The following DCAF13 variants were observed in gnomAD, a reference collection of about 807,000 sequenced individuals.
The protein encoded by DCAF13 is DDB1- and CUL4-associated factor 13.
A neutral mutation model predicts 59.0 loss-of-function variants in DCAF13; 38 were observed. That is an observed-to-expected ratio of 0.64 (90% confidence interval 0.50 to 0.84). DCAF13 has a LOEUF of 0.84. Among genes scored for constraint, DCAF13 ranks in the 40% least tolerant of loss-of-function variants. DCAF13 has a pLI of 0.00. For synonymous variants in DCAF13, 173 were observed against 175.0 expected, an observed-to-expected ratio of 0.99 and a Z score of 0.09; for missense variants, 469 against 558.4, an observed-to-expected ratio of 0.84 and a Z score of 1.61.
In DCAF13 at chr8:103,432,736, T is replaced by C; in HGVS notation, c.780T>C (p.Asp260=). The change falls in exon 7 of 11, where the codon GAT becomes GAC. Residue 260 remains aspartate (D), a synonymous_variant. Coordinates refer to ENST00000612750, the MANE Select transcript of DCAF13 (RefSeq NM_015420.7). Reference sequence around the variant, plus strand: ...TCATTTTTACAGCAGCAAATGAAGATTATAAGTAAGTTTCCCTCTTTTAAA... The same window carrying C: ...TCATTTTTACAGCAGCAAATGAAGACTATAAGTAAGTTTCCCTCTTTTAAA... ...EAFIFTAANE[D]YNLYTFDMRA... is the part of the protein sequence containing the mutation. 3 of 1,589,376 alleles carry C rather than the reference T, an allele frequency of 1.9e-6. No individual in the cohort carries two copies. The South Asian group carries it at 3.3e-5, about 18-fold the overall frequency.
At chr8:103,418,866 A>ATATT (rs1563724113) in intron 1 of DCAF13, among the ~76,000 whole-genome samples, 4 of 38,420 alleles carry the variant, frequency 1.0e-4, no homozygotes, top group Non-Finnish European at 1.9e-4. Flanking sequence ...ATATATATAT[A>ATATT]TTTTTTTTTT....
chr8:103,429,756 A>C (rs1586130864), intron 5 of DCAF13: 1 of 152,242 alleles, frequency 6.6e-6, no homozygotes, highest in Non-Finnish European at 1.5e-5. Flanking sequence ...TCATACAGAT[A>C]TTTTAAATGA....
chr8:103,424,633 C>T (rs56825753), intron 3 of DCAF13, among the ~76,000 whole-genome samples: 6 of 152,156 alleles, frequency 3.9e-5, no homozygotes, highest in African/African-American at 7.2e-5. Context: ...ACTCAGTAGA[C>T]GGCAGAACAG....
rs1032961716 is a variant in DCAF13, at chr8:103,418,076, C to T, written c.71-2188C>T. 4.0e-5 allele frequency among the ~76,000 whole-genome samples: 6 copies of T among 150,798 alleles called. No individual in the cohort carries two copies. The East Asian group carries it at 5.9e-4, about 15-fold the overall frequency. The stretch of plus-strand genomic sequence containing the variant: ...CCGGGAGGTGGAGCTTGCAGTGAGC[C>T]GAGATTGCGCCACTGCACTCCAGCC... On this transcript the variant is annotated intron_variant, in intron 1 of 10. Transcript: ENST00000612750.
chr8:103,437,480 A>G (rs575411801), intron 8 of DCAF13, among the ~76,000 whole-genome samples: 83 of 152,288 alleles, frequency 5.5e-4, no homozygotes, highest in African/African-American at 1.9e-3. Flanking sequence ...TCTAGCTAGA[A>G]AACTCACATT....
intron 5 of DCAF13, 187 bp downstream of exon 5, chr8:103,427,439 A>G: frequency 1.7e-6 from 1 of 604,772 alleles, no homozygotes; most frequent in Non-Finnish European, 2.9e-6. Flanking sequence ...CCAGCAGTTT[A>G]GTCCCAGATA....
chr8:103,441,852 G>A (rs1260934988), intron 10 of DCAF13: 2 of 412,618 alleles, frequency 4.8e-6, no homozygotes, highest in Non-Finnish European at 8.5e-6. Flanking sequence ...TGCAAGCTCC[G>A]CCTCCCGGGT....
chr8:103,443,062 C>CT lies in DCAF13; in HGVS notation c.*181dup. On this transcript the variant is annotated 3_prime_UTR_variant, in exon 11 of 11. Transcript: ENST00000612750. ...CTTAAAGGTGGCCTAGTTGGTAAGACTGTTTTATCCTTAATCTGCATTCTT... is the reference window on the plus strand; with the variant it reads ...CTTAAAGGTGGCCTAGTTGGTAAGACTTGTTTTATCCTTAATCTGCATTCTT... 1 of 459,598 alleles carries CT rather than the reference C, an allele frequency of 2.2e-6. No homozygotes were observed. The highest frequency in any genetic ancestry group is 3.9e-6 in the Non-Finnish European group (1 of 256,832). The allele number at this position is 459,598 out of a possible 1,614,324, so 28.5% of individuals were successfully genotyped here.
At chr8:103,418,837 T>A (rs1371898395) in intron 1 of DCAF13, among the ~76,000 whole-genome samples, 6 of 12,996 alleles carry the variant, frequency 4.6e-4, no homozygotes, top group African/African-American at 2.6e-3. Context: ...TATATATATA[T>A]ATATATATAT....
Position 103,442,898 on chromosome 8 carries a change from A to G in DCAF13, c.*16A>G, listed in dbSNP as rs757846848. 1.3e-6 allele frequency: 2 copies of G among 1,505,726 alleles called. No individual in the cohort carries two copies. Among genetic ancestry groups the G allele is most frequent in the South Asian group, 2.4e-5 (2 of 82,702 alleles). 93.3% of individuals were successfully genotyped at this position (1,505,726 alleles called of 1,614,324 possible). On this transcript the variant is annotated 3_prime_UTR_variant, in exon 11 of 11. Coordinates refer to ENST00000612750, the MANE Select transcript of DCAF13 (RefSeq NM_015420.7). The stretch of plus-strand genomic sequence containing the variant: ...TGTAAAATAATTGGTATTCCTAACA[A>G]TCCTGATGTATAATTATTTGTTACT...
At chr8:103,435,478 A>G (rs1214505437) in intron 7 of DCAF13, 148 bp from the exon 8 acceptor site, 4 of 520,116 alleles carry the variant, frequency 7.7e-6, no homozygotes, top group Non-Finnish European at 1.3e-5. Flanking sequence ...ATTTTTCCTT[A>G]TCCCTCACCT....
At chr8:103,415,909 A>G (rs1421004253) in intron 1 of DCAF13, among the ~76,000 whole-genome samples, 1 of 152,200 alleles carries the variant, frequency 6.6e-6, no homozygotes, top group Admixed American at 6.5e-5. Context: ...CCGCTTTACT[A>G]CTTCACATTA....
At position 103,426,118 on chromosome 8, in the gene DCAF13, A is replaced by G. The variant is rs367722339; in HGVS notation, c.441A>G (p.Glu147=). The change falls in exon 4 of 11, where the codon GAA becomes GAG. Residue 147 remains glutamate (E), a synonymous_variant. Coordinates refer to ENST00000612750, the MANE Select transcript of DCAF13 (RefSeq NM_015420.7). ...KMDGPGYGDE[E]EPLHTILGKT... is the part of the protein sequence containing the mutation. ...ATGGGCCAGGCTATGGAGACGAGGA[A>G]GAGCCATTACATACAATATTAGGAA... 68 of 1,611,950 alleles carry G rather than the reference A, an allele frequency of 4.2e-5. No homozygotes were observed. In the African/African-American group the frequency reaches 6.8e-4, roughly 16 times the overall value.
In DCAF13 at chr8:103,418,052, C is replaced by T. The variant is rs1586124348; in HGVS notation, c.71-2212C>T. On this transcript the variant is annotated intron_variant, in intron 1 of 10. Coordinates refer to ENST00000612750, the MANE Select transcript of DCAF13 (RefSeq NM_015420.7). ...CTGAGGCAGGAGAATGGTGTGAACC[C>T]GGGAGGTGGAGCTTGCAGTGAGCCG... is the stretch of plus-strand genomic sequence containing the variant. Among the ~76,000 whole-genome samples, 5 of 151,184 alleles carry T rather than the reference C, an allele frequency of 3.3e-5. No homozygotes were observed. In the South Asian group the frequency reaches 1.1e-3, roughly 32 times the overall value.
At chr8:103,424,360 A>G (rs529699648) in intron 3 of DCAF13, among the ~76,000 whole-genome samples, 4 of 152,208 alleles carry the variant, frequency 2.6e-5, no homozygotes, top group South Asian at 4.1e-4. Context: ...GTGCTTTGTC[A>G]GAGATAAGAC....
chr8:103,440,326 A>AGAT, intron 9 of DCAF13, 55 bp downstream of exon 9: 1 of 1,420,610 alleles, frequency 7.0e-7, no homozygotes, highest in South Asian at 1.5e-5. Context: ...ATTTTATTAG[A>AGAT]TATTACATTA....
intron 9 of DCAF13, 61 bp downstream of exon 9, chr8:103,440,332 C>T: frequency 9.1e-7 from 1 of 1,098,680 alleles, no homozygotes; most frequent in Non-Finnish European, 1.2e-6. Flanking sequence ...TTAGATATTA[C>T]ATTATGAAAA....
intron 5 of DCAF13, chr8:103,428,595 G>A (rs1816823150): frequency 1.3e-5 from 2 of 152,100 alleles, no homozygotes; most frequent in Admixed American, 1.3e-4. Context: ...GAGAGAAGTG[G>A]CATGGAAAGG....
Position 103,420,294 on chromosome 8 carries a change from C to G in DCAF13, c.101C>G (p.Pro34Arg). The G allele has an allele frequency of 6.2e-7, 1 of 1,613,832 alleles. No homozygotes were observed. Among genetic ancestry groups the G allele is most frequent in the East Asian group, 2.2e-5 (1 of 44,860 alleles). Residue 34 changes from proline to arginine, a missense_variant, in exon 2 of 11, where the codon CCT becomes CGT. This residue lies in a region of DCAF13 where 355 missense variants were observed against 399.1 expected (regional missense o/e 0.89). Coordinates refer to ENST00000612750, the MANE Select transcript of DCAF13 (RefSeq NM_015420.7). Reference sequence around the variant, plus strand: ...AGAAACTATGATCCTGCTTTACATCCTTTTGAGGTCCCACGAGAATATATA... The same window carrying G: ...AGAAACTATGATCCTGCTTTACATCGTTTTGAGGTCCCACGAGAATATATA... The part of the protein sequence containing the change: ...VPRNYDPALH[P>R]FEVPREYIRA...
Sources: gnomAD v4.1 joint callset for allele counts (sites outside exome capture counted in the v4.1 genomes callset) on GRCh38, gnomAD v4.1.1 for gene constraint, gnomAD v4.1.1 regional missense constraint, MANE v1.5 for transcripts, NCBI Gene and HGNC (gene_info 2026-07-23, HGNC 2026-07-21) for gene names.